The following SPNS3 variants were observed in gnomAD, a reference collection of about 807,000 sequenced individuals.
SPNS3 encodes protein spinster homolog 3.
Under a neutral mutation model 54.4 loss-of-function variants are expected in SPNS3, and 51 were observed. That is an observed-to-expected ratio of 0.94 (90% CI 0.75 to 1.18). SPNS3 has a LOEUF of 1.18. Among genes scored for constraint, SPNS3 ranks in the 50% most tolerant of loss-of-function variants. The probability of loss-of-function intolerance (pLI) is 0.00; values close to 1 mark genes in which losing one functional copy is unlikely to be tolerated. For synonymous variants in SPNS3, 309 were observed against 294.7 expected (o/e 1.05, Z -0.50); for missense variants, 669 against 677.4 (o/e 0.99, Z 0.14).
intron 3 of SPNS3, among the ~76,000 whole-genome samples, chr17:4,445,523 G>A (rs551322081): frequency 7.2e-5 from 11 of 152,162 alleles, no homozygotes; most frequent in Admixed American, 1.3e-4. Context: ...TACCAGGCGC[G>A]TGCCACCACG....
chr17:4,437,711 G>T (rs1970748457), intron 1 of SPNS3, among the ~76,000 whole-genome samples: 1 of 151,134 alleles, frequency 6.6e-6, no homozygotes, highest in African/African-American at 2.4e-5. Flanking sequence ...AATATTAAAA[G>T]GGGAAAAAGA....
chr17:4,487,659 T>C, intron 11 of SPNS3, 147 bp from the exon 12 acceptor site: 1 of 748,978 alleles, frequency 1.3e-6, no homozygotes, highest in East Asian at 2.5e-5. Flanking sequence ...GCCAGTGGCA[T>C]TGAAGGTGAT....
At position 4,451,097 on chromosome 17, in the gene SPNS3, A is replaced by G. The variant is rs866793301; in HGVS notation, c.923+1710A>G. Among the ~76,000 whole-genome samples, 36 of 152,116 alleles carry G rather than the reference A, an allele frequency of 2.4e-4. No homozygotes were observed. The East Asian group carries it at 5.0e-3, about 21-fold the overall frequency. On this transcript the variant is annotated intron_variant, in intron 7 of 11. Coordinates refer to ENST00000355530, the MANE Select transcript of SPNS3 (RefSeq NM_182538.5). ...AAATAATCAATCCTAAGTCTCATGA[A>G]TATCTCGAGAACCTGCCAAGGTCAG... is the stretch of plus-strand genomic sequence containing the variant.
Position 4,434,132 on chromosome 17 carries a change from C to T in SPNS3, c.165C>T (p.Asn55=). 6.2e-7 allele frequency: 1 copy of T among 1,612,152 alleles called. No homozygotes were observed. Among genetic ancestry groups the T allele is most frequent in the Non-Finnish European group, 8.5e-7 (1 of 1,179,150 alleles). Residue 55 remains asparagine (N), a synonymous_variant, in exon 1 of 12, where the codon AAC becomes AAT. Coordinates refer to ENST00000355530, the MANE Select transcript of SPNS3 (RefSeq NM_182538.5). ...YVAAAVLCYI[N]LLNYMNWFII... ...CTGCCGCCGTCCTCTGCTACATCAACCTCCTGAATTACATGAACTGGTTCA... is the reference window on the plus strand; with the variant it reads ...CTGCCGCCGTCCTCTGCTACATCAATCTCCTGAATTACATGAACTGGTTCA...
At chr17:4,443,850 C>T (rs1970913975) in intron 2 of SPNS3, among the ~76,000 whole-genome samples, 1 of 152,240 alleles carries the variant, frequency 6.6e-6, no homozygotes, top group African/African-American at 2.4e-5. Flanking sequence ...CCTGTAACCC[C>T]AGCACTTTAG....
chr17:4,450,068 T>G (rs1388579294), intron 7 of SPNS3, among the ~76,000 whole-genome samples: 1 of 151,738 alleles, frequency 6.6e-6, no homozygotes, highest in Non-Finnish European at 1.5e-5. Flanking sequence ...GCCTCCTCCC[T>G]GCCTCCAGGG....
chr17:4,440,911 G>A (rs1470020123), intron 2 of SPNS3, among the ~76,000 whole-genome samples: 2 of 152,092 alleles, frequency 1.3e-5, no homozygotes, highest in East Asian at 1.9e-4. Context: ...GTGAGATAGC[G>A]GTCTCAGGGA....
chr17:4,437,880 A>G (rs531802148), intron 1 of SPNS3, among the ~76,000 whole-genome samples: 3 of 150,138 alleles, frequency 2.0e-5, no homozygotes, highest in South Asian at 2.1e-4. Context: ...TCCGCCTCCC[A>G]GGTTCAAGCG....
chr17:4,486,444 C>A lies in SPNS3; in HGVS notation c.1311C>A (p.Asp437Glu), dbSNP rs749824219. The part of the protein sequence containing the change: ...ISSVLRARRP[D>E]SYLQRFRSLQ... ...GTGTCCTGCGGGCCAGGCGCCCTGA[C>A]TCCTATCTGCAGCGCTTCCGCAGCC... Residue 437 changes from aspartate (D) to glutamate (E), a missense_variant, in exon 11 of 12, where the codon GAC becomes GAA. Transcript: ENST00000355530. The surrounding 1 kb of genome is among the most constrained non-coding windows in gnomAD (Gnocchi z 5.5). The A allele has an allele frequency of 6.2e-7, 1 of 1,611,720 alleles. No homozygotes were observed. Among genetic ancestry groups the A allele is most frequent in the South Asian group, 1.1e-5 (1 of 90,898 alleles).
chr17:4,468,303 A>G (rs538022022), intron 8 of SPNS3, among the ~76,000 whole-genome samples: 1 of 151,934 alleles, frequency 6.6e-6, no homozygotes, highest in African/African-American at 2.4e-5. Flanking sequence ...AAAATAAATT[A>G]AAAAAAAGAA....
chr17:4,433,960 A>C lies in SPNS3; in HGVS notation c.-8A>C. ...GCGCCAGTCTCAGGCCAAGAGCTGC[A>C]GGCTGGCATGGCTGGGGGGATGTCA... On this transcript the variant is annotated 5_prime_UTR_variant, in exon 1 of 12. Coordinates refer to ENST00000355530, the MANE Select transcript of SPNS3 (RefSeq NM_182538.5). 6.6e-7 allele frequency: 1 copy of C among 1,518,278 alleles called. No homozygotes were observed. Among genetic ancestry groups the C allele is most frequent in the Non-Finnish European group, 8.8e-7 (1 of 1,132,866 alleles). 94.1% of individuals were successfully genotyped at this position (1,518,278 alleles called of 1,614,324 possible). A position where few individuals can be genotyped will look rare whatever the true frequency, so the allele number is the denominator to read the frequency against.
At chr17:4,480,140 G>A (rs1012997993) in intron 9 of SPNS3, among the ~76,000 whole-genome samples, 1 of 152,146 alleles carries the variant, frequency 6.6e-6, no homozygotes, top group African/African-American at 2.4e-5. Flanking sequence ...CACGGCCCAG[G>A]CCCAGCGAGT....
intron 8 of SPNS3, among the ~76,000 whole-genome samples, chr17:4,454,974 C>T (rs1489700116): frequency 4.0e-5 from 6 of 149,466 alleles, no homozygotes; most frequent in Non-Finnish European, 5.9e-5. Context: ...AGTGCGGTGG[C>T]GCGATCTCAG....
intron 8 of SPNS3, among the ~76,000 whole-genome samples, chr17:4,476,977 G>A (rs1434098584): frequency 6.6e-6 from 1 of 152,174 alleles, no homozygotes; most frequent in African/African-American, 2.4e-5. Context: ...TCCTGGGCCC[G>A]TCCTGATCCT....
chr17:4,450,368 T>TCTCTCC (rs1424328861), intron 7 of SPNS3, among the ~76,000 whole-genome samples: 4 of 130,902 alleles, frequency 3.1e-5, no homozygotes, highest in Non-Finnish European at 6.5e-5. Context: ...TCTCTCTCTC[T>TCTCTCC]CCCTACCCCT....
chr17:4,471,868 T>TG (rs34957908), intron 8 of SPNS3, among the ~76,000 whole-genome samples: 2 of 88,396 alleles, frequency 2.3e-5, no homozygotes, highest in African/African-American at 5.2e-5. Context: ...GGATTTTTTG[T>TG]TTTTTTTTGA....
chr17:4,486,641 A>ACTGGCCACCCCCTGAATCC lies in SPNS3; in HGVS notation c.1450+66_1450+84dup. 6.6e-7 allele frequency: 1 copy of ACTGGCCACCCCCTGAATCC among 1,525,290 alleles called. No individual in the cohort carries two copies. Among genetic ancestry groups the ACTGGCCACCCCCTGAATCC allele is most frequent in the South Asian group, 1.2e-5 (1 of 82,798 alleles). The allele number at this position is 1,525,290 out of a possible 1,614,324, so 94.5% of individuals were successfully genotyped here. On this transcript the variant is annotated intron_variant, in intron 11 of 11. Coordinates refer to ENST00000355530, the MANE Select transcript of SPNS3 (RefSeq NM_182538.5). The surrounding 1 kb of genome is among the most constrained non-coding windows in gnomAD (Gnocchi z 5.5). Reference sequence around the variant, plus strand: ...GGCCGGCACCCTAGGGACAGACAGCACTGGCCACCCCCTGAATCCCTGGCC... The same window carrying ACTGGCCACCCCCTGAATCC: ...GGCCGGCACCCTAGGGACAGACAGCACTGGCCACCCCCTGAATCCCTGGCCACCCCCTGAATCCCTGGCC...
intron 9 of SPNS3, chr17:4,485,016 G>C (rs992406302): frequency 6.6e-6 from 1 of 152,114 alleles, no homozygotes; most frequent in African/African-American, 2.4e-5. Context: ...TAGGAGTTGC[G>C]GGAGCTCAGG....
rs149528100 is a variant in SPNS3, at chr17:4,434,089, C to T, written c.122C>T (p.Pro41Leu). Residue 41 changes from proline (P) to leucine (L), a missense_variant, in exon 1 of 12, where the codon CCG becomes CTG. Pro to Leu is a moderately conservative substitution (Grantham distance 98, BLOSUM62 -3). Coordinates refer to ENST00000355530, the MANE Select transcript of SPNS3 (RefSeq NM_182538.5). ...PITPTSWSLP[P>L]WRAYVAAAVL... ...ACGCCCACCTCCTGGAGCCTGCCCCCGTGGAGGGCCTACGTGGCTGCCGCC... is the reference window on the plus strand; with the variant it reads ...ACGCCCACCTCCTGGAGCCTGCCCCTGTGGAGGGCCTACGTGGCTGCCGCC... 2,041 of 1,612,350 alleles carry T rather than the reference C, an allele frequency of 1.3e-3. 5 individuals carry two copies. Among genetic ancestry groups the T allele is most frequent in the Non-Finnish European group, 1.6e-3 (1,915 of 1,179,334 alleles).
Sources: allele counts gnomAD v4.1 joint callset (sites outside exome capture counted in the v4.1 genomes callset), GRCh38; gene constraint gnomAD v4.1.1; non-coding constraint Gnocchi (gnomAD v3.1); transcripts MANE v1.5; gene names NCBI Gene and HGNC (gene_info 2026-07-23, HGNC 2026-07-21).